Variants in TMC2 observed in about 807,000 individuals in gnomAD.
TMC2 encodes the protein transmembrane channel-like protein 2.
In TMC2, 102 loss-of-function variants were observed where a neutral mutation model predicts 105.9. That is an observed-to-expected ratio of 0.96 (90% CI 0.82 to 1.14). The LOEUF is 1.14. Among genes scored for constraint, TMC2 ranks in the 50% most tolerant of loss-of-function variants. The probability of loss-of-function intolerance (pLI) is 0.00; values close to 1 mark genes in which losing one functional copy is unlikely to be tolerated. For missense variants in TMC2, 1,093 were observed against 1,134.3 expected (o/e 0.96, Z 0.52); for synonymous variants, 402 against 422.8 (o/e 0.95, Z 0.60).
At position 2,579,244 on chromosome 20, in the gene TMC2, C is replaced by T; in HGVS notation, c.727+17C>T. 1 of 1,512,130 alleles carries T rather than the reference C, an allele frequency of 6.6e-7. No homozygotes were observed. The highest frequency in any genetic ancestry group is 9.2e-7 in the Non-Finnish European group (1 of 1,087,726). The allele number at this position is 1,512,130 out of a possible 1,614,324, so 93.7% of individuals were successfully genotyped here. ...ACATTGAAAGTGAGTATGCTGGTGT[C>T]ACTGTTTTTTTAATTGGTTTCCTAA... On this transcript the variant is annotated intron_variant, in intron 6 of 19. Coordinates refer to ENST00000358864, the MANE Select transcript of TMC2 (RefSeq NM_080751.3).
chr20:2,568,907 C>T (rs2422783), intron 4 of TMC2, among the ~76,000 whole-genome samples: 19,336 of 152,112 alleles, frequency 0.13, 1,538 homozygotes, highest in African/African-American at 0.22. Flanking sequence ...CAACTTCACA[C>T]GTATCAACTG....
At chr20:2,550,700 T>C (rs2085951567) in intron 2 of TMC2, among the ~76,000 whole-genome samples, 1 of 152,178 alleles carries the variant, frequency 6.6e-6, no homozygotes, top group South Asian at 2.1e-4. Flanking sequence ...CTCTAGAGTG[T>C]CTCTTTCTCC....
chr20:2,616,248 CA>C lies in TMC2; in HGVS notation c.1940+50del, dbSNP rs763211843. 1.3e-6 allele frequency: 2 copies of C among 1,541,748 alleles called. No homozygotes were observed. The highest frequency in any genetic ancestry group is 2.2e-5 in the South Asian group (2 of 89,310). On this transcript the variant is annotated intron_variant, in intron 15 of 19. Transcript: ENST00000358864. The surrounding 1 kb of genome is among the most constrained non-coding windows in gnomAD (Gnocchi z 4.8). ...CTGGTGATCGCCTCATCCAAGGAGT[CA>C]AAAAACTGGAATCCCAGACTTTGCA...
chr20:2,568,528 C>T (rs1051109003), intron 4 of TMC2, among the ~76,000 whole-genome samples: 2 of 152,134 alleles, frequency 1.3e-5, no homozygotes, highest in African/African-American at 4.8e-5. Context: ...CTGCTGGGCT[C>T]AATGACTCAG....
intron 13 of TMC2, among the ~76,000 whole-genome samples, 176 bp from the exon 14 acceptor site, chr20:2,613,018 T>G (rs2086452686): frequency 6.6e-6 from 1 of 152,208 alleles, no homozygotes; most frequent in South Asian, 2.1e-4. Context: ...GGGACCTAAA[T>G]TAAGCATTTT....
chr20:2,543,035 G>A (rs543029628), intron 2 of TMC2, among the ~76,000 whole-genome samples: 7 of 151,986 alleles, frequency 4.6e-5, no homozygotes, highest in Non-Finnish European at 7.4e-5. Context: ...TCAGGAGTTT[G>A]AGACCAGCCT....
Position 2,637,462 on chromosome 20 carries a change from T to C in TMC2, c.2386-12T>C, listed in dbSNP as rs771461218. The stretch of plus-strand genomic sequence containing the variant: ...TCCTGGGCCAGGACCAACAGTTCAT[T>C]ATTTCCTGCAGCTCCGTGAAGTTGA... On this transcript the variant is annotated splice_polypyrimidine_tract_variant and intron_variant, in intron 18 of 19. Coordinates refer to ENST00000358864, the MANE Select transcript of TMC2 (RefSeq NM_080751.3). 41 of 1,585,236 alleles carry C rather than the reference T, an allele frequency of 2.6e-5. No individual in the cohort carries two copies. The highest frequency in any genetic ancestry group is 3.2e-5 in the Non-Finnish European group (37 of 1,154,384).
At position 2,536,585 on chromosome 20, in the gene TMC2, C is replaced by A. The variant is rs752660810; in HGVS notation, c.-37C>A. 3.2e-6 allele frequency: 5 copies of A among 1,558,690 alleles called. No homozygotes were observed. Among genetic ancestry groups the A allele is most frequent in the Non-Finnish European group, 4.3e-6 (5 of 1,150,776 alleles). On this transcript the variant is annotated 5_prime_UTR_variant, in exon 1 of 20. Coordinates refer to ENST00000358864, the MANE Select transcript of TMC2 (RefSeq NM_080751.3). ...AAGGCGTGCATACAGGAGCACGCTGCGTGAGCCTGTGCAGGACCCCAGCAG... is the reference window on the plus strand; with the variant it reads ...AAGGCGTGCATACAGGAGCACGCTGAGTGAGCCTGTGCAGGACCCCAGCAG...
At chr20:2,611,012 G>A (rs749024440) in intron 12 of TMC2, among the ~76,000 whole-genome samples, 1 of 152,212 alleles carries the variant, frequency 6.6e-6, no homozygotes, top group Non-Finnish European at 1.5e-5. Context: ...GGGTAGAGCA[G>A]ACAGGAAGAC....
Position 2,558,350 on chromosome 20 carries a change from A to G in TMC2, c.83-106A>G, listed in dbSNP as rs577337934. 1 of 1,509,512 alleles carries G rather than the reference A, an allele frequency of 6.6e-7. No homozygotes were observed. The highest frequency in any genetic ancestry group is 8.9e-7 in the Non-Finnish European group (1 of 1,127,650). 93.5% of individuals were successfully genotyped at this position (1,509,512 alleles called of 1,614,324 possible). ...TCCTGTTCTGAGCCCCGCAGAGCTC[A>G]CAAGCTCTCGGAATCATCTTGGACG... On this transcript the variant is annotated intron_variant, in intron 2 of 19. Coordinates refer to ENST00000358864, the MANE Select transcript of TMC2 (RefSeq NM_080751.3). This position sits in a 1 kb window ranked among gnomAD's most constrained non-coding sequence, Gnocchi z 4.6.
intron 16 of TMC2, among the ~76,000 whole-genome samples, chr20:2,623,177 T>A (rs1157875370): frequency 6.6e-6 from 1 of 152,066 alleles, no homozygotes; most frequent in Non-Finnish European, 1.5e-5. Context: ...TTATTTTTAA[T>A]AGCCACATCA....
intron 10 of TMC2, among the ~76,000 whole-genome samples, chr20:2,599,538 C>A (rs570089265): frequency 0.03 from 3,135 of 103,998 alleles, 133 homozygotes; most frequent in African/African-American, 0.098. Flanking sequence ...TCTTTAATTA[C>A]ATTTTTTTTT....
intron 2 of TMC2, among the ~76,000 whole-genome samples, chr20:2,553,745 A>C (rs1385437655): frequency 6.6e-6 from 1 of 152,214 alleles, no homozygotes; most frequent in Non-Finnish European, 1.5e-5. Context: ...TTCTTTAATA[A>C]ATATAGGCCT....
intron 3 of TMC2, among the ~76,000 whole-genome samples, chr20:2,559,537 T>A (rs2086010861): frequency 6.6e-6 from 1 of 152,214 alleles, no homozygotes; most frequent in Admixed American, 6.5e-5. Flanking sequence ...TTAAGAATTC[T>A]TTGTGATAGA....
chr20:2,537,903 ATAT>A (rs1053830469), intron 2 of TMC2, among the ~76,000 whole-genome samples: 2 of 152,148 alleles, frequency 1.3e-5, no homozygotes, highest in African/African-American at 4.8e-5. Context: ...ATGTCACAAA[ATAT>A]TATGGATGCG....
At chr20:2,587,609 C>T (rs1325183149) in intron 7 of TMC2, among the ~76,000 whole-genome samples, 1 of 151,642 alleles carries the variant, frequency 6.6e-6, no homozygotes, top group Non-Finnish European at 1.5e-5. Context: ...AAATGTACTT[C>T]TTTTAATTGA....
Position 2,558,643 on chromosome 20 carries a change from G to C in TMC2, c.270G>C (p.Glu90Asp). ...REELGEQERG[E>D]AERTCEGRRK... ...AGCTGGGGGAGCAGGAGCGGGGCGAGGCAGAGAGGACCTGCGAGGGCAGGA... is the reference window on the plus strand; with the variant it reads ...AGCTGGGGGAGCAGGAGCGGGGCGACGCAGAGAGGACCTGCGAGGGCAGGA... The change falls in exon 3 of 20, where the codon GAG becomes GAC. Residue 90 changes from glutamate (E) to aspartate (D), a missense_variant. Transcript: ENST00000358864. This position sits in a 1 kb window ranked among gnomAD's most constrained non-coding sequence, Gnocchi z 4.6. 6.3e-7 allele frequency: 1 copy of C among 1,575,768 alleles called. No individual in the cohort carries two copies. Among genetic ancestry groups the C allele is most frequent in the Non-Finnish European group, 8.6e-7 (1 of 1,160,530 alleles).
intron 2 of TMC2, among the ~76,000 whole-genome samples, chr20:2,546,104 T>A (rs749878509): frequency 1.2e-4 from 18 of 152,184 alleles, no homozygotes; most frequent in Non-Finnish European, 2.5e-4. Flanking sequence ...TAGTGTTTTA[T>A]GGAGGCAGGG....
At chr20:2,610,129 G>A (rs369477144) in intron 11 of TMC2, among the ~76,000 whole-genome samples, 2 of 152,190 alleles carry the variant, frequency 1.3e-5, no homozygotes, top group East Asian at 3.9e-4. Flanking sequence ...GATTACAGGC[G>A]TGAGCCATTG....
Sources: gnomAD v4.1 joint callset for allele counts (sites outside exome capture counted in the v4.1 genomes callset) on GRCh38, gnomAD v4.1.1 for gene constraint, Gnocchi (gnomAD v3.1) non-coding constraint, MANE v1.5 for transcripts, NCBI Gene and HGNC (gene_info 2026-07-23, HGNC 2026-07-21) for gene names.